RLN2: variants seen among roughly 807,000 people sequenced by gnomAD.
The protein encoded by RLN2 is relaxin 2.
Under a neutral mutation model 7.3 loss-of-function variants are expected in RLN2, and 10 were observed. The ratio of observed to expected loss-of-function variants is 1.36; its 90% CI spans 0.84 to 2.31. The LOEUF (loss-of-function observed/expected upper bound fraction) is 2.31, where lower values mean the gene tolerates loss of function less well. RLN2 is among the 30% of genes most tolerant of loss of function. The pLI, the probability that RLN2 is intolerant of heterozygous loss-of-function variation, is 0.00. For missense variants in RLN2, 298 were observed against 217.6 expected (o/e 1.37, Z -2.32); for synonymous variants, 103 against 82.3 (o/e 1.25, Z -1.36).
chr9:5,335,303 T>G, the RLN2 span: 2 of 1,603,968 alleles, frequency 1.2e-6, no homozygotes, highest in Non-Finnish European at 1.7e-6. Flanking sequence ...GCAACATTTC[T>G]CAAACAGTGC....
upstream of RLN2, among the ~76,000 whole-genome samples, chr9:5,306,118 T>G (rs561878300): frequency 2.2e-3 from 330 of 150,670 alleles, 7 homozygotes; most frequent in African/African-American, 7.6e-3. Context: ...TGTTTTTTTT[T>G]TTTTTTTTTA....
chr9:5,306,096 GTTTTTGTTTTTTGT>G (rs1233666730), upstream of RLN2, among the ~76,000 whole-genome samples: 6 of 125,836 alleles, frequency 4.8e-5, no homozygotes, highest in African/African-American at 1.7e-4. Flanking sequence ...GGATTTCTTT[GTTTTTGTTTTTTGT>G]TTTTTTTTTT....
At chr9:5,314,165 T>C in the RLN2 span, among the ~76,000 whole-genome samples, 2 of 152,080 alleles carry the variant, frequency 1.3e-5, no homozygotes, top group African/African-American at 4.8e-5. Context: ...ACGTGGCTAC[T>C]GCATTTGAAA....
chr9:5,313,580 T>C, the RLN2 span, among the ~76,000 whole-genome samples: 5 of 152,128 alleles, frequency 3.3e-5, no homozygotes, highest in African/African-American at 1.2e-4. Context: ...TAATTACATA[T>C]ATATTTATTG....
At chr9:5,314,360 GTTGCTTTTGGCCC>G in the RLN2 span, among the ~76,000 whole-genome samples, 2 of 151,964 alleles carry the variant, frequency 1.3e-5, no homozygotes, top group East Asian at 3.9e-4. Flanking sequence ...ACCCCTCCAA[GTTGCTTTTGGCCC>G]TGCCCCGTGA....
At chr9:5,335,612 A>T in the RLN2 span, 2 of 1,555,186 alleles carry the variant, frequency 1.3e-6, no homozygotes, top group Non-Finnish European at 1.8e-6. Flanking sequence ...TAAGTTTAAA[A>T]AAAAAGTGTA....
At chr9:5,321,546 A>G in the RLN2 span, among the ~76,000 whole-genome samples, 3 of 151,870 alleles carry the variant, frequency 2.0e-5, no homozygotes, top group African/African-American at 4.8e-5. Flanking sequence ...ATCACCTTAG[A>G]TAAGTGTTAA....
chr9:5,311,819 A>AT, the RLN2 span: 283 of 633,006 alleles, frequency 4.5e-4, 2 homozygotes, highest in East Asian at 2.8e-3. Flanking sequence ...TTTTTTTAGT[A>AT]TTTTTTTTCT....
the RLN2 span, among the ~76,000 whole-genome samples, chr9:5,318,304 A>G: frequency 6.6e-6 from 1 of 152,214 alleles, no homozygotes; most frequent in East Asian, 1.9e-4. Flanking sequence ...TACCATGAAC[A>G]AAGTAACAAG....
the RLN2 span, among the ~76,000 whole-genome samples, chr9:5,334,055 C>G: frequency 0.024 from 3,590 of 152,032 alleles, 159 homozygotes; most frequent in African/African-American, 0.076. Context: ...AAACCCACAG[C>G]CAATAGCATA....
At chr9:5,335,157 T>C in the RLN2 span, 2 of 670,262 alleles carry the variant, frequency 3.0e-6, no homozygotes, top group Middle Eastern at 2.9e-4. Flanking sequence ...ATTTCTTATA[T>C]TCTAATAATT....
At chr9:5,309,911 C>T in the RLN2 span, among the ~76,000 whole-genome samples, 3 of 151,890 alleles carry the variant, frequency 2.0e-5, 1 homozygote, top group African/African-American at 7.3e-5. Context: ...TGAACTGAGT[C>T]CCCAGATTAC....
the RLN2 span, among the ~76,000 whole-genome samples, chr9:5,333,534 A>G: frequency 6.6e-6 from 1 of 152,018 alleles, no homozygotes; most frequent in Non-Finnish European, 1.5e-5. Context: ...TGAACAGCCT[A>G]CTAACCAAAA....
At chr9:5,317,958 CT>C in the RLN2 span, among the ~76,000 whole-genome samples, 1 of 150,978 alleles carries the variant, frequency 6.6e-6, no homozygotes, top group East Asian at 1.9e-4. Context: ...TCGTACGACC[CT>C]TTTGGAAGAG....
At chr9:5,324,944 G>A in the RLN2 span, among the ~76,000 whole-genome samples, 2 of 151,934 alleles carry the variant, frequency 1.3e-5, no homozygotes, top group African/African-American at 2.4e-5. Context: ...GAAATATTCT[G>A]AGGCGTTGCT....
At chr9:5,302,453 G>A (rs1343001464) in intron 1 of RLN2, among the ~76,000 whole-genome samples, 1 of 152,174 alleles carries the variant, frequency 6.6e-6, no homozygotes, top group Admixed American at 6.5e-5. Context: ...AACAGTAGAA[G>A]TCTGAAAACT....
chr9:5,332,087 A>G, the RLN2 span, among the ~76,000 whole-genome samples: 1 of 151,970 alleles, frequency 6.6e-6, no homozygotes, highest in African/African-American at 2.4e-5. Flanking sequence ...ATACTCATAT[A>G]TTGAAATAAT....
chr9:5,335,640 G>A, the RLN2 span: 150 of 1,180,780 alleles, frequency 1.3e-4, 2 homozygotes, highest in Non-Finnish European at 4.4e-5. Context: ...GCGTATTCAC[G>A]TCAAAGAGCA....
chr9:5,327,826 T>G, the RLN2 span, among the ~76,000 whole-genome samples: 6 of 152,016 alleles, frequency 3.9e-5, no homozygotes, highest in Non-Finnish European at 8.8e-5. Flanking sequence ...GGGGTCTGAC[T>G]GTTAGAAGGA....
Sources: gnomAD v4.1 joint callset for allele counts (sites outside exome capture counted in the v4.1 genomes callset) on GRCh38, gnomAD v4.1.1 for gene constraint, MANE v1.5 for transcripts, NCBI Gene and HGNC (gene_info 2026-07-23, HGNC 2026-07-21) for gene names.